The following PDZD8 variants were observed in gnomAD, a reference collection of about 807,000 sequenced individuals.
PDZD8 encodes PDZ domain-containing protein 8.
In PDZD8, 14 loss-of-function variants were observed where a neutral mutation model predicts 85.8. That is an observed-to-expected ratio of 0.16 (90% CI 0.11 to 0.26). PDZD8 has a LOEUF of 0.26. Among genes scored for constraint, PDZD8 ranks in the 10% least tolerant of loss-of-function variants. PDZD8 has a pLI of 1.00. For missense variants in PDZD8, 1,197 were observed against 1,424.3 expected, an observed-to-expected ratio of 0.84 and a Z score of 2.57; for synonymous variants, 592 against 568.6, an observed-to-expected ratio of 1.04 and a Z score of -0.59.
Position 117,281,111 on chromosome 10 carries a change from G to C in PDZD8, c.*2157C>G, listed in dbSNP as rs536738372. On this transcript the variant is annotated 3_prime_UTR_variant, in exon 5 of 5. Coordinates refer to ENST00000334464, the MANE Select transcript of PDZD8 (RefSeq NM_173791.5). Reference sequence around the variant, plus strand: ...TGGCCGGGCGTGGTGGCTCACGCCTGTAATCCCAGCACTTTGGGAGGCCGA... The same window carrying C: ...TGGCCGGGCGTGGTGGCTCACGCCTCTAATCCCAGCACTTTGGGAGGCCGA... The C allele has an allele frequency of 3.9e-5, 6 of 152,258 alleles. No individual in the cohort carries two copies. The highest frequency in any genetic ancestry group is 1.4e-4 in the African/African-American group (6 of 41,522). 9.4% of individuals were successfully genotyped at this position (152,258 alleles called of 1,614,324 possible).
At chr10:117,334,318 G>A (rs1313375126) in intron 2 of PDZD8, among the ~76,000 whole-genome samples, 1 of 152,088 alleles carries the variant, frequency 6.6e-6, no homozygotes, top group African/African-American at 2.4e-5. Context: ...ACTAGCCTAA[G>A]CAACAGGATA....
chr10:117,307,936 T>C, intron 3 of PDZD8, among the ~76,000 whole-genome samples: 1 of 152,102 alleles, frequency 6.6e-6, no homozygotes. Flanking sequence ...ATTATAGAAC[T>C]TCACATTTAC....
At chr10:117,304,441 T>C (rs1237174413) in intron 3 of PDZD8, among the ~76,000 whole-genome samples, 1 of 152,188 alleles carries the variant, frequency 6.6e-6, no homozygotes, top group Non-Finnish European at 1.5e-5. Flanking sequence ...GATGAGACTT[T>C]GGACTGTGGG....
chr10:117,284,461 C>T lies in PDZD8; in HGVS notation c.2272G>A (p.Glu758Lys), dbSNP rs759713780. ...ACTATAGCCTTAGGTGAGGGGGCTT[C>T]CAGTCTCAATTTGGAAAGGTATTCC... The part of the protein sequence containing the change: ...NTEYLSKLRL[E>K]APSPKAIVTR... Residue 758 changes from glutamate (E) to lysine (K), a missense_variant, in exon 5 of 5, where the codon GAA becomes AAA. Coordinates refer to ENST00000334464, the MANE Select transcript of PDZD8 (RefSeq NM_173791.5). 6.2e-7 allele frequency: 1 copy of T among 1,614,082 alleles called. No homozygotes were observed. The highest frequency in any genetic ancestry group is 1.7e-5 in the Admixed American group (1 of 60,008).
intron 1 of PDZD8, among the ~76,000 whole-genome samples, chr10:117,345,961 C>T (rs917580840): frequency 6.6e-6 from 1 of 152,070 alleles, no homozygotes; most frequent in South Asian, 2.1e-4. Flanking sequence ...AGGGGTTCAG[C>T]CAGGCGCGGT....
chr10:117,359,482 G>C (rs753567810), intron 1 of PDZD8, among the ~76,000 whole-genome samples: 11 of 149,978 alleles, frequency 7.3e-5, no homozygotes, highest in Non-Finnish European at 1.2e-4. Context: ...AGGCCGAGGC[G>C]GGCGATCACT....
rs71013656 is a variant in PDZD8 at position 117,294,327 on chromosome 10, CAAA to C, written c.1099-3982_1099-3980del. ...AAATAAATGGCTATTACCAAAAAGA[CAAA>C]AAAAAAAAAAAAAAACAAAAAAACA... On this transcript the variant is annotated intron_variant, in intron 3 of 4. Transcript: ENST00000334464. 3.9e-4 allele frequency among the ~76,000 whole-genome samples: 55 copies of C among 142,632 alleles called. 1 individual carries two copies. Among genetic ancestry groups the C allele is most frequent in the Middle Eastern group, 3.5e-3 (1 of 284 alleles). 93.6% of individuals were successfully genotyped at this position (142,632 alleles called of 152,430 possible).
Position 117,283,389 on chromosome 10 carries a change from T to C in PDZD8, c.3344A>G (p.Lys1115Arg). 6.2e-7 allele frequency: 1 copy of C among 1,614,180 alleles called. No homozygotes were observed. The highest frequency in any genetic ancestry group is 8.5e-7 in the Non-Finnish European group (1 of 1,179,998). The change falls in exon 5 of 5, where the codon AAA becomes AGA. Residue 1115 changes from lysine to arginine, a missense_variant. Transcript: ENST00000334464. ...TGTATCATCTGTGTACTTGCTTATT[T>C]TTTTGGAGTGCTGGTCTAAAGACAG... Reference protein sequence around the residue: ...ESLSLDQHSKKISKYTDDTEE... With the variant: ...ESLSLDQHSKRISKYTDDTEE...
chr10:117,331,427 A>G (rs555094160), intron 2 of PDZD8, among the ~76,000 whole-genome samples: 1 of 152,352 alleles, frequency 6.6e-6, no homozygotes, highest in Non-Finnish European at 1.5e-5. Context: ...CAGCTAATAA[A>G]TGAAAAGTCT....
intron 3 of PDZD8, 97 bp from the exon 4 acceptor site, chr10:117,290,445 G>T: frequency 1.2e-6 from 1 of 854,886 alleles, no homozygotes; most frequent in Non-Finnish European, 1.7e-6. Context: ...AGAGCACCAT[G>T]GCTGATGCTG....
rs377060544 is a variant in PDZD8 at position 117,342,319 on chromosome 10, T to G, written c.873-1217A>C. 9.8e-4 allele frequency among the ~76,000 whole-genome samples: 149 copies of G among 152,100 alleles called. 1 individual carries two copies. The highest frequency in any genetic ancestry group is 3.5e-3 in the African/African-American group (145 of 41,508). ...AAGCCCCGTGGTTTTCAATTCACCC[T>G]ACACATTGTCACTAGCCATGATATC... On this transcript the variant is annotated intron_variant, in intron 1 of 4. Coordinates refer to ENST00000334464, the MANE Select transcript of PDZD8 (RefSeq NM_173791.5).
intron 2 of PDZD8, among the ~76,000 whole-genome samples, chr10:117,335,351 T>A (rs1002513971): frequency 2.6e-5 from 4 of 152,138 alleles, no homozygotes; most frequent in African/African-American, 9.7e-5. Flanking sequence ...GAATACCAGA[T>A]GACAATTTTG....
rs1565012640 is a variant in PDZD8, at chr10:117,279,325, A to C, written c.*3943T>G. On this transcript the variant is annotated 3_prime_UTR_variant, in exon 5 of 5. Transcript: ENST00000334464. ...TTTTTATGTTTGGACCTGGTAATAC[A>C]GATACAAAAACTTTAATGAGGTAGC... 1.3e-5 allele frequency: 2 copies of C among 152,240 alleles called. No homozygotes were observed. Among genetic ancestry groups the C allele is most frequent in the Non-Finnish European group, 2.9e-5 (2 of 68,050 alleles). The allele number at this position is 152,240 out of a possible 1,614,324, so 9.4% of individuals were successfully genotyped here. A position where few individuals can be genotyped will look rare whatever the true frequency, so the allele number is the denominator to read the frequency against.
chr10:117,330,983 T>C (rs1242978005), intron 2 of PDZD8, among the ~76,000 whole-genome samples: 3 of 152,210 alleles, frequency 2.0e-5, no homozygotes, highest in African/African-American at 7.2e-5. Flanking sequence ...GTAGTGTCAA[T>C]TCAAAAATAC....
intron 3 of PDZD8, among the ~76,000 whole-genome samples, chr10:117,302,497 T>G (rs1843863115): frequency 6.6e-6 from 1 of 152,220 alleles, no homozygotes; most frequent in Non-Finnish European, 1.5e-5. Flanking sequence ...TCACTATATT[T>G]AAACAATTCA....
chr10:117,358,800 G>A (rs1844943784), intron 1 of PDZD8, among the ~76,000 whole-genome samples: 2 of 152,160 alleles, frequency 1.3e-5, no homozygotes, highest in Non-Finnish European at 2.9e-5. Flanking sequence ...ATTTTATAGA[G>A]CTATGTAAGG....
intron 3 of PDZD8, among the ~76,000 whole-genome samples, chr10:117,312,447 C>G (rs984002945): frequency 6.6e-6 from 1 of 152,060 alleles, no homozygotes; most frequent in African/African-American, 2.4e-5. Flanking sequence ...CCCTTTCCTC[C>G]CAGGACATTC....
intron 3 of PDZD8, among the ~76,000 whole-genome samples, chr10:117,308,099 T>C (rs1843974477): frequency 6.6e-6 from 1 of 152,140 alleles, no homozygotes; most frequent in Non-Finnish European, 1.5e-5. Context: ...TCCTAAAAAG[T>C]TCTTTATTTC....
intron 4 of PDZD8, among the ~76,000 whole-genome samples, chr10:117,285,995 C>A (rs1315122143): frequency 6.6e-6 from 1 of 152,148 alleles, no homozygotes; most frequent in Admixed American, 6.5e-5. Context: ...CTATGAATAA[C>A]GTACTTTTAC....
Sources: allele counts gnomAD v4.1 joint callset (sites outside exome capture counted in the v4.1 genomes callset), GRCh38; gene constraint gnomAD v4.1.1; transcripts MANE v1.5; gene names NCBI Gene and HGNC (gene_info 2026-07-23, HGNC 2026-07-21).